The following DNAAF11 variants were observed in gnomAD, a reference collection of about 807,000 sequenced individuals.
DNAAF11 encodes the protein dynein axonemal assembly factor 11.
Under a neutral mutation model 60.8 loss-of-function variants are expected in DNAAF11, and 45 were observed. That is an observed-to-expected ratio of 0.74 (90% CI 0.58 to 0.95). The LOEUF (loss-of-function observed/expected upper bound fraction) is 0.95, where lower values mean the gene tolerates loss of function less well. DNAAF11 is among the 40% of genes least tolerant of loss of function. The pLI is 0.00. For missense variants in DNAAF11, 546 were observed against 546.2 expected, an observed-to-expected ratio of 1.00 and a Z score of 0.00; for synonymous variants, 191 against 183.5, an observed-to-expected ratio of 1.04 and a Z score of -0.33.
At chr8:132,670,750 A>C (rs1039162830) in intron 1 of DNAAF11, among the ~76,000 whole-genome samples, 2 of 152,318 alleles carry the variant, frequency 1.3e-5, no homozygotes, top group Non-Finnish European at 1.5e-5. Context: ...CATAATAAAA[A>C]AATTATACAT....
intron 11 of DNAAF11, among the ~76,000 whole-genome samples, chr8:132,574,475 T>G (rs899981287): frequency 1.3e-5 from 2 of 152,214 alleles, no homozygotes; most frequent in African/African-American, 2.4e-5. Flanking sequence ...GCATTGAATC[T>G]CTAATGAGCT....
Position 132,610,206 on chromosome 8 carries a change from C to T in DNAAF11, c.1100G>A (p.Arg367Lys). 6.2e-7 allele frequency: 1 copy of T among 1,614,048 alleles called. No homozygotes were observed. The highest frequency in any genetic ancestry group is 1.1e-5 in the South Asian group (1 of 91,074). ...EVKPDSSSAK[R>K]SQTTGHLVIC... is the part of the protein sequence containing the mutation. ...GACCAAATGACCCGTTGTCTGAGAT[C>T]TTTTAGCAGAACTACTATCGGGTTT... Residue 367 changes from arginine to lysine, a missense_variant, in exon 10 of 12, where the codon AGA (arginine) becomes AAA (lysine). By Grantham distance (26) the Arg-to-Lys change is conservative (BLOSUM62 2). Transcript: ENST00000620350.
intron 4 of DNAAF11, among the ~76,000 whole-genome samples, chr8:132,636,016 C>T (rs140091207): frequency 1.8e-3 from 267 of 151,932 alleles, no homozygotes; most frequent in Non-Finnish European, 3.3e-3. Context: ...TGAACTTGAA[C>T]GTCTGGCCTT....
At position 132,661,532 on chromosome 8, in the gene DNAAF11, G is replaced by A. The variant is rs1412921217; in HGVS notation, c.106C>T (p.Leu36=). The part of the protein sequence containing the change: ...LSLHQQEIER[L]EHIDKWCRDL... ...CGGCACCATTTATCAATGTGTTCTA[G>A]TCTTTCTATTTCTTGCTGATGCAAC... is the stretch of plus-strand genomic sequence containing the variant. Residue 36 remains leucine (L), a synonymous_variant, in exon 2 of 12, where the codon CTA becomes TTA. Transcript: ENST00000620350. 6.2e-7 allele frequency: 1 copy of A among 1,613,546 alleles called. No homozygotes were observed. Among genetic ancestry groups the A allele is most frequent in the Non-Finnish European group, 8.5e-7 (1 of 1,179,662 alleles).
intron 6 of DNAAF11, among the ~76,000 whole-genome samples, chr8:132,623,718 A>T (rs757645822): frequency 2.6e-5 from 4 of 152,110 alleles, no homozygotes; most frequent in African/African-American, 4.8e-5. Flanking sequence ...GTGTCAGTTA[A>T]CTTTATTTTG....
chr8:132,610,482 C>G (rs151337391), intron 9 of DNAAF11, among the ~76,000 whole-genome samples: 166 of 152,270 alleles, frequency 1.1e-3, no homozygotes, highest in African/African-American at 3.9e-3. Context: ...CAAACAGTGA[C>G]ATGCTCGTGG....
intron 11 of DNAAF11, among the ~76,000 whole-genome samples, chr8:132,579,034 C>T (rs765063986): frequency 2.0e-5 from 3 of 152,186 alleles, no homozygotes; most frequent in Non-Finnish European, 4.4e-5. Flanking sequence ...TTCAGTGGGG[C>T]AGAGGAAAAC....
At chr8:132,623,933 G>A (rs1301169703) in intron 6 of DNAAF11, among the ~76,000 whole-genome samples, 1 of 152,048 alleles carries the variant, frequency 6.6e-6, no homozygotes, top group Non-Finnish European at 1.5e-5. Flanking sequence ...CACAATCAGA[G>A]GCAAACATCT....
chr8:132,637,327 C>T (rs181207756), intron 4 of DNAAF11, among the ~76,000 whole-genome samples: 4 of 152,158 alleles, frequency 2.6e-5, no homozygotes, highest in African/African-American at 9.7e-5. Flanking sequence ...GTGAACCTGC[C>T]GGGCACGGTG....
chr8:132,674,105 G>GGAA lies in DNAAF11; in HGVS notation c.10+1378_10+1379insTTC, dbSNP rs1194716507. On this transcript the variant is annotated intron_variant, in intron 1 of 11. Coordinates refer to ENST00000620350, the MANE Select transcript of DNAAF11 (RefSeq NM_012472.6). ...AGCAGGAGGAGGAGGAGCAGGAGGA[G>GGAA]GAGGAGCAGGAGGAGGAGGAGGAGG... 8.8e-4 allele frequency among the ~76,000 whole-genome samples: 129 copies of GGAA among 146,298 alleles called. 2 individuals carry two copies. Among genetic ancestry groups the GGAA allele is most frequent in the African/African-American group, 3.2e-3 (125 of 38,528 alleles).
At chr8:132,644,708 C>T (rs1043310797) in intron 3 of DNAAF11, among the ~76,000 whole-genome samples, 5 of 152,180 alleles carry the variant, frequency 3.3e-5, no homozygotes, top group Non-Finnish European at 5.9e-5. Context: ...CTTGGAGGGT[C>T]CCACGCCCAT....
At chr8:132,649,832 C>A (rs1238264896) in intron 3 of DNAAF11, among the ~76,000 whole-genome samples, 1 of 152,166 alleles carries the variant, frequency 6.6e-6, no homozygotes, top group East Asian at 1.9e-4. Context: ...CATCTCAAAC[C>A]AGTTAGAATG....
intron 3 of DNAAF11, among the ~76,000 whole-genome samples, chr8:132,644,196 T>G (rs1162055112): frequency 6.6e-6 from 1 of 152,204 alleles, no homozygotes; most frequent in Non-Finnish European, 1.5e-5. Context: ...TTTCCTCCAT[T>G]GCTAGAATTT....
chr8:132,627,959 G>T (rs1038881750), intron 5 of DNAAF11, among the ~76,000 whole-genome samples: 20 of 152,262 alleles, frequency 1.3e-4, no homozygotes, highest in African/African-American at 4.1e-4. Flanking sequence ...TCACTGTAGA[G>T]GTGGTCAATA....
At chr8:132,657,738 C>T (rs1823722130) in intron 2 of DNAAF11, among the ~76,000 whole-genome samples, 1 of 152,124 alleles carries the variant, frequency 6.6e-6, no homozygotes, top group African/African-American at 2.4e-5. Flanking sequence ...GTGCTTATCA[C>T]ATGTCACACA....
rs559920457 is a variant in DNAAF11, at chr8:132,605,017, TTAA to T, written c.1140+5146_1140+5148del. On this transcript the variant is annotated intron_variant, in intron 10 of 11. Transcript: ENST00000620350. ...ACTAGCTAGTAGCAATTGATATTAT[TTAA>T]TAATATGCATTACTAGCAATGAATA... Among the ~76,000 whole-genome samples, 58 of 152,298 alleles carry T rather than the reference TTAA, an allele frequency of 3.8e-4. No homozygotes were observed. In the South Asian group the frequency reaches 8.1e-3, roughly 21 times the overall value.
intron 1 of DNAAF11, among the ~76,000 whole-genome samples, chr8:132,671,678 CAAAT>C (rs1375798298): frequency 6.6e-6 from 1 of 151,952 alleles, no homozygotes; most frequent in East Asian, 1.9e-4. Context: ...CAGAGGAAGA[CAAAT>C]AAATCAATGA....
At chr8:132,599,822 T>C (rs569626438) in intron 10 of DNAAF11, among the ~76,000 whole-genome samples, 54 of 152,308 alleles carry the variant, frequency 3.5e-4, no homozygotes, top group African/African-American at 1.2e-3. Context: ...AATATCATAC[T>C]GAATGGGCAA....
intron 3 of DNAAF11, chr8:132,643,685 A>G (rs552332609): frequency 2.2e-6 from 1 of 456,292 alleles, no homozygotes; most frequent in African/African-American, 2.0e-5. Flanking sequence ...AATAGATGAC[A>G]TCTAAAATAG....
Sources: gnomAD v4.1 joint callset for allele counts (sites outside exome capture counted in the v4.1 genomes callset) on GRCh38, gnomAD v4.1.1 for gene constraint, MANE v1.5 for transcripts, NCBI Gene and HGNC (gene_info 2026-07-23, HGNC 2026-07-21) for gene names.